The following SORCS3 variants were observed in gnomAD, a reference collection of about 807,000 sequenced individuals.
SORCS3 encodes sortilin related VPS10 domain containing receptor 3, also known as VPS10 domain-containing receptor SorCS3.
A neutral mutation model predicts 146.3 loss-of-function variants in SORCS3; 57 were observed. That is an observed-to-expected ratio of 0.39 (90% CI 0.31 to 0.49). The LOEUF (loss-of-function observed/expected upper bound fraction) is 0.49. Ranked by LOEUF, SORCS3 falls within the 20% of genes least tolerant of loss-of-function variation. The pLI is 0.92. For missense variants in SORCS3, 1,341 were observed against 1,575.5 expected, an observed-to-expected ratio of 0.85 and a Z score of 2.52; for synonymous variants, 653 against 618.5, an observed-to-expected ratio of 1.06 and a Z score of -0.83.
intron 5 of SORCS3, among the ~76,000 whole-genome samples, chr10:105,060,894 G>A (rs1315887810): frequency 6.6e-6 from 1 of 151,382 alleles, no homozygotes; most frequent in Non-Finnish European, 1.5e-5. Context: ...CTGAGATCAC[G>A]CCATTGCACT....
At chr10:105,003,081 A>G (rs1427357861) in intron 4 of SORCS3, among the ~76,000 whole-genome samples, 1 of 152,184 alleles carries the variant, frequency 6.6e-6, no homozygotes, top group Non-Finnish European at 1.5e-5. Flanking sequence ...GACAGCTGGG[A>G]TCTGGAATCA....
intron 4 of SORCS3, among the ~76,000 whole-genome samples, chr10:105,015,824 G>A (rs2055162065): frequency 6.6e-6 from 1 of 151,874 alleles, no homozygotes; most frequent in Non-Finnish European, 1.5e-5. Flanking sequence ...CCACCTCCCG[G>A]GTTTAAGCGA....
intron 7 of SORCS3, among the ~76,000 whole-genome samples, chr10:105,109,642 A>G (rs1589637216): frequency 6.6e-6 from 1 of 151,930 alleles, no homozygotes; most frequent in East Asian, 1.9e-4. Context: ...GAGAATTTTT[A>G]CTCCAATAAT....
intron 1 of SORCS3, among the ~76,000 whole-genome samples, chr10:104,727,547 A>G (rs202193283): frequency 2.6e-3 from 196 of 74,636 alleles, no homozygotes; most frequent in African/African-American, 7.6e-3. Flanking sequence ...GTGTGTGTGT[A>G]TATATATATA....
intron 23 of SORCS3, among the ~76,000 whole-genome samples, chr10:105,255,223 T>A (rs2056924216): frequency 6.7e-6 from 1 of 149,616 alleles, no homozygotes; most frequent in Non-Finnish European, 1.5e-5. Flanking sequence ...TGGATCTGCT[T>A]AATTCAAAAC....
intron 1 of SORCS3, among the ~76,000 whole-genome samples, chr10:104,729,263 A>G (rs2016679347): frequency 6.6e-6 from 1 of 152,208 alleles, no homozygotes; most frequent in Non-Finnish European, 1.5e-5. Context: ...TCCTACTTTC[A>G]GCAAGACATT....
chr10:104,830,744 T>C (rs2017991400), intron 1 of SORCS3, among the ~76,000 whole-genome samples: 1 of 152,230 alleles, frequency 6.6e-6, no homozygotes, highest in Admixed American at 6.5e-5. Context: ...TCTTTGGCTA[T>C]TGTGAGTGTT....
intron 1 of SORCS3, among the ~76,000 whole-genome samples, chr10:104,841,652 A>G (rs2018140980): frequency 6.6e-6 from 1 of 152,214 alleles, no homozygotes; most frequent in South Asian, 2.1e-4. Flanking sequence ...AATGTGCAAT[A>G]TAATGGCTGA....
intron 1 of SORCS3, among the ~76,000 whole-genome samples, chr10:104,770,673 A>G (rs1186980889): frequency 1.3e-5 from 2 of 151,570 alleles, no homozygotes; most frequent in African/African-American, 4.8e-5. Context: ...AATAAAATAT[A>G]TATATATACA....
chr10:105,262,224 C>A (rs924005083), intron 25 of SORCS3, 107 bp from the exon 26 acceptor site: 6 of 1,000,836 alleles, frequency 6.0e-6, no homozygotes, highest in South Asian at 1.5e-5. Context: ...CTGACATGGA[C>A]CCTTCCTATT....
At chr10:105,242,431 TAC>T (rs1214992748) in intron 20 of SORCS3, among the ~76,000 whole-genome samples, 6 of 61,436 alleles carry the variant, frequency 9.8e-5, no homozygotes, top group South Asian at 6.2e-4. Flanking sequence ...TATATATTTA[TAC>T]ATATATTTAT....
At chr10:105,133,224 G>T (rs2056034368) in intron 7 of SORCS3, among the ~76,000 whole-genome samples, 1 of 152,226 alleles carries the variant, frequency 6.6e-6, no homozygotes, top group Non-Finnish European at 1.5e-5. Context: ...CAGGAACCAG[G>T]CAGGAGTTGA....
At chr10:105,037,920 T>A (rs951852925) in intron 4 of SORCS3, among the ~76,000 whole-genome samples, 1 of 152,248 alleles carries the variant, frequency 6.6e-6, no homozygotes, top group Non-Finnish European at 1.5e-5. Flanking sequence ...CCTCTTTAGT[T>A]CTTCAGCTAT....
intron 20 of SORCS3, among the ~76,000 whole-genome samples, chr10:105,240,941 G>GAAAA (rs57736056): frequency 6.8e-6 from 1 of 147,906 alleles, no homozygotes; most frequent in African/African-American, 2.5e-5. Flanking sequence ...CACAAACACT[G>GAAAA]AAAAAAATAT....
chr10:104,827,488 G>A (rs530261129), intron 1 of SORCS3, among the ~76,000 whole-genome samples: 9 of 152,114 alleles, frequency 5.9e-5, no homozygotes, highest in African/African-American at 1.9e-4. Flanking sequence ...GGAGCAGTAG[G>A]TCTCAACAGT....
At chr10:104,949,309 C>T (rs1485230097) in intron 3 of SORCS3, among the ~76,000 whole-genome samples, 1 of 152,100 alleles carries the variant, frequency 6.6e-6, no homozygotes, top group African/African-American at 2.4e-5. Flanking sequence ...TGCCTATATG[C>T]CATGGGGAAA....
At chr10:104,780,808 A>T (rs2017366028) in intron 1 of SORCS3, among the ~76,000 whole-genome samples, 1 of 152,198 alleles carries the variant, frequency 6.6e-6, no homozygotes, top group Non-Finnish European at 1.5e-5. Flanking sequence ...TGTCTGCCAG[A>T]TGATCCTCTT....
intron 5 of SORCS3, among the ~76,000 whole-genome samples, chr10:105,062,545 G>A (rs952003538): frequency 1.1e-4 from 16 of 152,248 alleles, no homozygotes; most frequent in African/African-American, 3.9e-4. Flanking sequence ...GCCACGATAG[G>A]GACCCGGTGT....
chr10:104,860,901 TG>T (rs1225889711), intron 2 of SORCS3, among the ~76,000 whole-genome samples: 2 of 152,178 alleles, frequency 1.3e-5, no homozygotes, highest in East Asian at 3.9e-4. Flanking sequence ...TGGCTTCAGT[TG>T]GAGGTTGTCA....
Sources: allele counts gnomAD v4.1 joint callset (sites outside exome capture counted in the v4.1 genomes callset), GRCh38; gene constraint gnomAD v4.1.1; transcripts MANE v1.5; gene names NCBI Gene and HGNC (gene_info 2026-07-23, HGNC 2026-07-21).